XKR6: variants seen among roughly 807,000 people sequenced by gnomAD.
The protein encoded by XKR6 is XK-related protein 6.
XKR6 carries 22 observed loss-of-function variants against 56.7 expected under a neutral mutation model. That is an observed-to-expected ratio of 0.39 (90% CI 0.28 to 0.55). The LOEUF (loss-of-function observed/expected upper bound fraction) is 0.55. Ranked by LOEUF, XKR6 falls within the 20% of genes least tolerant of loss-of-function variation. The probability of loss-of-function intolerance (pLI) is 0.66; values close to 1 mark genes in which losing one functional copy is unlikely to be tolerated. For synonymous variants in XKR6, 524 were observed against 387.8 expected, an observed-to-expected ratio of 1.35 and a Z score of -4.13; for missense variants, 852 against 889.0, an observed-to-expected ratio of 0.96 and a Z score of 0.53.
chr8:11,138,923 A>T (rs528710756), intron 1 of XKR6, among the ~76,000 whole-genome samples: 1,137 of 96,232 alleles, frequency 0.012, 17 homozygotes, highest in African/African-American at 0.062. Flanking sequence ...CCGGCAGAAT[A>T]AAAAAAAAAA....
At chr8:10,904,189 TGCAGACCAGGAG>T (rs1800120859) in intron 2 of XKR6, among the ~76,000 whole-genome samples, 1 of 152,134 alleles carries the variant, frequency 6.6e-6, no homozygotes, top group Admixed American at 6.5e-5. Context: ...CTTTCCCTGG[TGCAGACCAGGAG>T]GCAGCGCTGG....
chr8:10,914,664 C>G (rs1800503381), intron 2 of XKR6, among the ~76,000 whole-genome samples: 1 of 152,200 alleles, frequency 6.6e-6, no homozygotes, highest in Non-Finnish European at 1.5e-5. Flanking sequence ...TGAGCAGTCT[C>G]CCTTGCAGCA....
intron 1 of XKR6, among the ~76,000 whole-genome samples, chr8:10,975,770 C>G (rs1219494461): frequency 2.6e-5 from 4 of 152,252 alleles, no homozygotes; most frequent in African/African-American, 9.6e-5. Flanking sequence ...ACTGTGTCTG[C>G]TTAGGCCTGG....
intron 1 of XKR6, among the ~76,000 whole-genome samples, chr8:11,079,027 T>C (rs1289286327): frequency 6.6e-6 from 1 of 152,256 alleles, no homozygotes; most frequent in Non-Finnish European, 1.5e-5. Flanking sequence ...AACAGGGCGC[T>C]GCAGGGCCAT....
intron 1 of XKR6, among the ~76,000 whole-genome samples, chr8:11,157,113 C>G (rs1432784496): frequency 6.6e-6 from 1 of 152,088 alleles, no homozygotes; most frequent in Non-Finnish European, 1.5e-5. Context: ...TCATACTAAC[C>G]CAAATTGACA....
At chr8:11,050,286 C>T (rs749054526) in intron 1 of XKR6, among the ~76,000 whole-genome samples, 13 of 152,072 alleles carry the variant, frequency 8.5e-5, no homozygotes, top group East Asian at 1.9e-4. Context: ...GTCGAGATCG[C>T]GGCTGATCTC....
At chr8:11,028,952 A>G (rs558215139) in intron 1 of XKR6, among the ~76,000 whole-genome samples, 9 of 152,202 alleles carry the variant, frequency 5.9e-5, no homozygotes, top group South Asian at 2.1e-4. Flanking sequence ...GCTCCCTGGT[A>G]CCTGTCTCTC....
chr8:10,957,565 C>G (rs1801927826), intron 1 of XKR6, among the ~76,000 whole-genome samples: 1 of 152,184 alleles, frequency 6.6e-6, no homozygotes, highest in African/African-American at 2.4e-5. Context: ...TAGGCAGACC[C>G]TGGGATGCTG....
rs35888807 is a variant in XKR6, at chr8:10,896,776, T to A, written c.*1176A>T. 47,852 of 146,898 alleles carry A rather than the reference T, an allele frequency of 0.33. 8,169 individuals are homozygous for A. Among genetic ancestry groups the A allele is most frequent in the African/African-American group, 0.43 (16,932 of 39,488 alleles). The allele number at this position is 146,898 out of a possible 1,614,324, so 9.1% of individuals were successfully genotyped here. On this transcript the variant is annotated 3_prime_UTR_variant, in exon 3 of 3. Coordinates refer to ENST00000416569, the MANE Select transcript of XKR6 (RefSeq NM_173683.4). Reference sequence around the variant, plus strand: ...TTCCTCTTTGTGTTATTTTTTTTTTTAAAAAAGCACAAATGAAAAATGAAG... The same window carrying A: ...TTCCTCTTTGTGTTATTTTTTTTTTAAAAAAAGCACAAATGAAAAATGAAG...
chr8:11,186,049 A>T (rs1384895491), intron 1 of XKR6, among the ~76,000 whole-genome samples: 1 of 152,238 alleles, frequency 6.6e-6, no homozygotes, highest in Admixed American at 6.5e-5. Flanking sequence ...ACATCTTAAA[A>T]TACTTCTTTA....
intron 1 of XKR6, among the ~76,000 whole-genome samples, chr8:11,008,709 C>G (rs771030723): frequency 3.3e-5 from 5 of 152,146 alleles, no homozygotes; most frequent in Admixed American, 6.5e-5. Context: ...ACCACCACCC[C>G]GGCCTCCCCA....
intron 1 of XKR6, among the ~76,000 whole-genome samples, chr8:11,070,907 G>C (rs1233382239): frequency 6.6e-6 from 1 of 152,148 alleles, no homozygotes; most frequent in East Asian, 1.9e-4. Flanking sequence ...CAGACCAAGA[G>C]TACATGGCAG....
intron 1 of XKR6, among the ~76,000 whole-genome samples, chr8:10,968,744 C>T (rs897531791): frequency 6.6e-5 from 10 of 152,116 alleles, no homozygotes; most frequent in African/African-American, 1.7e-4. Flanking sequence ...AAAGAAAATA[C>T]GGGACTTTGA....
chr8:10,899,811 G>C (rs146710795), intron 2 of XKR6, among the ~76,000 whole-genome samples: 1 of 152,246 alleles, frequency 6.6e-6, no homozygotes, highest in Non-Finnish European at 1.5e-5. Flanking sequence ...GTTTGAGTGT[G>C]CCTAATCCCA....
intron 1 of XKR6, chr8:11,109,600 G>C (rs1798810417): frequency 1.3e-5 from 2 of 152,194 alleles, no homozygotes; most frequent in Non-Finnish European, 2.9e-5. Flanking sequence ...AGCACTTTAA[G>C]TCAGCTCTGG....
intron 1 of XKR6, among the ~76,000 whole-genome samples, chr8:10,928,964 C>A (rs1052179194): frequency 6.6e-6 from 1 of 152,224 alleles, no homozygotes; most frequent in Non-Finnish European, 1.5e-5. Flanking sequence ...AAAGCAGCAA[C>A]GCCACGTGTC....
At chr8:11,059,628 G>C (rs191770876) in intron 1 of XKR6, among the ~76,000 whole-genome samples, 5 of 151,006 alleles carry the variant, frequency 3.3e-5, no homozygotes, top group African/African-American at 1.2e-4. Context: ...GGCGCGGGGG[G>C]CGCGGGGCGG....
chr8:11,057,623 G>A (rs1799718628), intron 1 of XKR6, among the ~76,000 whole-genome samples: 1 of 152,180 alleles, frequency 6.6e-6, no homozygotes, highest in Admixed American at 6.5e-5. Flanking sequence ...TTCAGCAGGA[G>A]TCCCTGTGTT....
At chr8:11,134,926 A>C (rs559308812) in intron 1 of XKR6, among the ~76,000 whole-genome samples, 173 of 152,220 alleles carry the variant, frequency 1.1e-3, no homozygotes, top group African/African-American at 4.1e-3. Context: ...ATAATACAGA[A>C]AGATATTTCC....
Sources: allele counts gnomAD v4.1 joint callset (sites outside exome capture counted in the v4.1 genomes callset), GRCh38; gene constraint gnomAD v4.1.1; transcripts MANE v1.5; gene names NCBI Gene and HGNC (gene_info 2026-07-23, HGNC 2026-07-21).